The following RFTN2 variants were observed in gnomAD, a reference collection of about 807,000 sequenced individuals.
The protein encoded by RFTN2 is raftlin-2.
A neutral mutation model predicts 52.7 loss-of-function variants in RFTN2; 34 were observed. The ratio of observed to expected loss-of-function variants is 0.64; its 90% CI spans 0.49 to 0.86. The LOEUF is 0.86. Among genes scored for constraint, RFTN2 ranks in the 40% least tolerant of loss-of-function variants. RFTN2 has a pLI of 0.00. For missense variants in RFTN2, 536 were observed against 600.1 expected, an observed-to-expected ratio of 0.89 and a Z score of 1.12; for synonymous variants, 203 against 217.7, an observed-to-expected ratio of 0.93 and a Z score of 0.59.
At chr2:197,611,870 C>G (rs986086729) in intron 7 of RFTN2, among the ~76,000 whole-genome samples, 1 of 152,160 alleles carries the variant, frequency 6.6e-6, no homozygotes, top group Admixed American at 6.6e-5. Context: ...TTGTTATTCA[C>G]CCAACAGTCA....
Position 197,624,050 on chromosome 2 carries a change from C to T in RFTN2, c.929-6129G>A, listed in dbSNP as rs921437755. On this transcript the variant is annotated intron_variant, in intron 5 of 8. Coordinates refer to ENST00000295049, the MANE Select transcript of RFTN2 (RefSeq NM_144629.3). Reference sequence around the variant, plus strand: ...CTGACCTCAAGTGATCCTCCCGCCTCGGCCTCCCAAAGTGCTGGGATTACA... The same window carrying T: ...CTGACCTCAAGTGATCCTCCCGCCTTGGCCTCCCAAAGTGCTGGGATTACA... Among the ~76,000 whole-genome samples the T allele has an allele frequency of 7.2e-5, 11 of 152,220 alleles. No individual in the cohort carries two copies. In the East Asian group the frequency reaches 1.2e-3, roughly 16 times the overall value.
intron 5 of RFTN2, among the ~76,000 whole-genome samples, chr2:197,623,837 T>C (rs1407838104): frequency 6.6e-6 from 1 of 152,160 alleles, no homozygotes; most frequent in Non-Finnish European, 1.5e-5. Flanking sequence ...GCTAATTTTG[T>C]ATTTTTAGTA....
intron 8 of RFTN2, among the ~76,000 whole-genome samples, chr2:197,582,389 C>A (rs577554317): frequency 1.3e-5 from 2 of 152,222 alleles, no homozygotes; most frequent in Admixed American, 6.5e-5. Context: ...CTGTATCTCT[C>A]TGATCTACCT....
chr2:197,664,779 T>C (rs1375631902), intron 1 of RFTN2, among the ~76,000 whole-genome samples: 1 of 152,142 alleles, frequency 6.6e-6, no homozygotes, highest in Non-Finnish European at 1.5e-5. Context: ...AGCGAGAACT[T>C]ATCTCAAAAA....
At chr2:197,637,279 C>T (rs1212238787) in intron 3 of RFTN2, among the ~76,000 whole-genome samples, 1 of 152,116 alleles carries the variant, frequency 6.6e-6, no homozygotes, top group East Asian at 1.9e-4. Context: ...AGGATTCCCT[C>T]TTTTTCTATT....
intron 8 of RFTN2, 93 bp from the exon 9 acceptor site, chr2:197,572,373 A>AGCAC: frequency 7.9e-7 from 1 of 1,264,156 alleles, no homozygotes; most frequent in East Asian, 2.3e-5. Context: ...TGCCTCCAGG[A>AGCAC]ATGTCCTTTT....
chr2:197,639,813 G>A (rs201736369), intron 3 of RFTN2, among the ~76,000 whole-genome samples: 53,366 of 129,788 alleles, frequency 0.41, 9,186 homozygotes, highest in Middle Eastern at 0.49. Flanking sequence ...GAGGAGAGGC[G>A]CTCTGCGTTT....
chr2:197,618,093 G>GTCTCCC, intron 5 of RFTN2, 172 bp from the exon 6 acceptor site: 1 of 311,734 alleles, frequency 3.2e-6, no homozygotes, highest in African/African-American at 2.8e-5. Flanking sequence ...TCTCCCCACG[G>GTCTCCC]TCTCCCTCTC....
In RFTN2 at chr2:197,570,133, C is replaced by T. The variant is rs1398119004; in HGVS notation, c.*1875G>A. 6.6e-6 allele frequency: 1 copy of T among 152,094 alleles called. No homozygotes were observed. The highest frequency in any genetic ancestry group is 1.5e-5 in the Non-Finnish European group (1 of 68,028). The allele number at this position is 152,094 out of a possible 1,614,324, so 9.4% of individuals were successfully genotyped here. A position where few individuals can be genotyped will look rare whatever the true frequency, so the allele number is the denominator to read the frequency against. On this transcript the variant is annotated 3_prime_UTR_variant, in exon 9 of 9. Transcript: ENST00000295049. Reference sequence around the variant, plus strand: ...ATTTGTTCTTTGTGCTTCCTAACTTCATTACGTTTTATGGACTCCTGAAGC... The same window carrying T: ...ATTTGTTCTTTGTGCTTCCTAACTTTATTACGTTTTATGGACTCCTGAAGC...
In RFTN2 at chr2:197,613,141, A is replaced by G. The variant is rs1470141363; in HGVS notation, c.1154+2735T>C. On this transcript the variant is annotated intron_variant, in intron 7 of 8. Coordinates refer to ENST00000295049, the MANE Select transcript of RFTN2 (RefSeq NM_144629.3). Reference sequence around the variant, plus strand: ...GTATATAGTGAACTAGAGTATTTACATTTTCTGAAACATCCTGATTTAGGA... The same window carrying G: ...GTATATAGTGAACTAGAGTATTTACGTTTTCTGAAACATCCTGATTTAGGA... Among the ~76,000 whole-genome samples, 3 of 152,220 alleles carry G rather than the reference A, an allele frequency of 2.0e-5. No homozygotes were observed. The East Asian group carries it at 5.8e-4, about 29-fold the overall frequency.
chr2:197,637,225 G>T (rs1360076239), intron 3 of RFTN2, among the ~76,000 whole-genome samples: 7 of 151,704 alleles, frequency 4.6e-5, no homozygotes, highest in African/African-American at 1.7e-4. Context: ...TCTCTGCCCG[G>T]CTTTGGTATC....
At chr2:197,590,952 A>G (rs759326051) in intron 8 of RFTN2, among the ~76,000 whole-genome samples, 23 of 152,238 alleles carry the variant, frequency 1.5e-4, no homozygotes, top group Non-Finnish European at 2.2e-4. Context: ...CGAGCCCAGC[A>G]GGTTGCCACT....
At chr2:197,605,469 C>A (rs1485229558) in intron 7 of RFTN2, among the ~76,000 whole-genome samples, 2 of 152,110 alleles carry the variant, frequency 1.3e-5, no homozygotes, top group Non-Finnish European at 2.9e-5. Flanking sequence ...CCCGCCTTGG[C>A]CTCCCAAAGT....
rs1315533939 is a variant in RFTN2, at chr2:197,640,280, G to A, written c.438+3878C>T. Among the ~76,000 whole-genome samples, 9 of 152,084 alleles carry A rather than the reference G, an allele frequency of 5.9e-5. No homozygotes were observed. The East Asian group carries it at 7.7e-4, about 13-fold the overall frequency. Reference sequence around the variant, plus strand: ...GGCTCCACCCAGTTGGAGCTTCCTGGCTGCTTTGTTTACCTAAGGAAGCCT... The same window carrying A: ...GGCTCCACCCAGTTGGAGCTTCCTGACTGCTTTGTTTACCTAAGGAAGCCT... On this transcript the variant is annotated intron_variant, in intron 3 of 8. Transcript: ENST00000295049.
At position 197,615,679 on chromosome 2, in the gene RFTN2, T is replaced by G. The variant is rs74866794; in HGVS notation, c.1154+197A>C. Among the ~76,000 whole-genome samples the G allele has an allele frequency of 7.8e-3, 1,193 of 152,322 alleles. 12 individuals are homozygous for G. Among genetic ancestry groups the G allele is most frequent in the African/African-American group, 0.027 (1,115 of 41,560 alleles). ...GGTGAGAACAGTTTTGGATATGTGC[T>G]GCAGAGCCTAACAGCTTATACATCT... On this transcript the variant is annotated intron_variant, in intron 7 of 8. Transcript: ENST00000295049.
intron 8 of RFTN2, among the ~76,000 whole-genome samples, chr2:197,586,034 A>C (rs2087590923): frequency 1.3e-5 from 2 of 152,140 alleles, no homozygotes; most frequent in Non-Finnish European, 1.5e-5. Flanking sequence ...GCCCAACTAC[A>C]CACACCACTG....
chr2:197,607,862 T>C (rs768384864), intron 7 of RFTN2, among the ~76,000 whole-genome samples: 8 of 152,254 alleles, frequency 5.3e-5, no homozygotes, highest in Middle Eastern at 3.4e-3. Context: ...CCCCACAAAA[T>C]GTTTAACATT....
At chr2:197,672,250 C>T (rs946374011) in intron 1 of RFTN2, among the ~76,000 whole-genome samples, 4 of 152,050 alleles carry the variant, frequency 2.6e-5, no homozygotes, top group African/African-American at 9.7e-5. Flanking sequence ...AAAGAAGGGG[C>T]TATGTGTTTT....
rs1355857613 is a variant in RFTN2 at position 197,568,781 on chromosome 2, G to A, written c.*3227C>T. 1 of 152,194 alleles carries A rather than the reference G, an allele frequency of 6.6e-6. No homozygotes were observed. Among genetic ancestry groups the A allele is most frequent in the Non-Finnish European group, 1.5e-5 (1 of 68,038 alleles). 9.4% of individuals were successfully genotyped at this position (152,194 alleles called of 1,614,324 possible). A position where few individuals can be genotyped will look rare whatever the true frequency, so the allele number is the denominator to read the frequency against. The stretch of plus-strand genomic sequence containing the variant: ...TCCTTCCAGCCAAGAAGGAATGGTG[G>A]TGAGGAATCAATAACAGGCAAGGGC... On this transcript the variant is annotated 3_prime_UTR_variant, in exon 9 of 9. Coordinates refer to ENST00000295049, the MANE Select transcript of RFTN2 (RefSeq NM_144629.3).
Sources: gnomAD v4.1 joint callset for allele counts (sites outside exome capture counted in the v4.1 genomes callset) on GRCh38, gnomAD v4.1.1 for gene constraint, MANE v1.5 for transcripts, NCBI Gene and HGNC (gene_info 2026-07-23, HGNC 2026-07-21) for gene names.